The following ARB2A variants were observed in gnomAD, a reference collection of about 807,000 sequenced individuals.
The protein encoded by ARB2A is ARB2 cotranscriptional regulator A, also known as cotranscriptional regulator ARB2A.
the ARB2A span, among the ~76,000 whole-genome samples, chr5:93,996,071 A>AT: frequency 1.7e-3 from 249 of 148,850 alleles, 1 homozygote; most frequent in South Asian, 1.1e-3. Context: ...CTATAGGAAC[A>AT]TTTTTTTTTT....
chr5:93,693,420 A>G, the ARB2A span, among the ~76,000 whole-genome samples: 4 of 152,294 alleles, frequency 2.6e-5, no homozygotes, highest in Admixed American at 6.5e-5. Flanking sequence ...AGAATACTAT[A>G]AACACCTCTA....
the ARB2A span, among the ~76,000 whole-genome samples, chr5:93,691,303 C>G: frequency 1.3e-5 from 2 of 151,774 alleles, no homozygotes; most frequent in African/African-American, 4.8e-5. Flanking sequence ...GAATTGCTAA[C>G]TAGAATAAAC....
At chr5:93,779,124 T>TGTGCGCGC in the ARB2A span, among the ~76,000 whole-genome samples, 1 of 146,298 alleles carries the variant, frequency 6.8e-6, no homozygotes, top group African/African-American at 2.6e-5. Flanking sequence ...TGTGTGTGTG[T>TGTGCGCGC]GCGCGCGCGC....
At chr5:93,920,396 A>G in the ARB2A span, among the ~76,000 whole-genome samples, 1 of 152,168 alleles carries the variant, frequency 6.6e-6, no homozygotes. Flanking sequence ...TAAACATACC[A>G]TTGACCCTTG....
chr5:93,784,282 G>T, the ARB2A span: 1 of 729,968 alleles, frequency 1.4e-6, no homozygotes, highest in Non-Finnish European at 2.4e-6. Context: ...TCTGCCTCTA[G>T]AAAGGGAGTT....
chr5:93,752,584 T>G, the ARB2A span, among the ~76,000 whole-genome samples: 6 of 152,128 alleles, frequency 3.9e-5, no homozygotes, highest in Admixed American at 3.3e-4. Context: ...GTGAGATTTT[T>G]GGAGTGAGAC....
the ARB2A span, among the ~76,000 whole-genome samples, chr5:93,696,958 A>G: frequency 6.7e-6 from 1 of 148,352 alleles, no homozygotes; most frequent in African/African-American, 2.5e-5. Flanking sequence ...GCTACTCGGG[A>G]GGCTGAGGCA....
the ARB2A span, among the ~76,000 whole-genome samples, chr5:94,089,737 C>T: frequency 6.6e-6 from 1 of 151,196 alleles, no homozygotes; most frequent in Admixed American, 6.6e-5. Flanking sequence ...CAAGTTTAAA[C>T]GAAGATTCCA....
At chr5:93,727,336 T>G in the ARB2A span, among the ~76,000 whole-genome samples, 1 of 151,964 alleles carries the variant, frequency 6.6e-6, no homozygotes, top group African/African-American at 2.4e-5. Flanking sequence ...GGAAAAGCAT[T>G]TACTAACCCT....
chr5:93,690,814 A>T, the ARB2A span, among the ~76,000 whole-genome samples: 1 of 152,056 alleles, frequency 6.6e-6, no homozygotes, highest in Non-Finnish European at 1.5e-5. Context: ...TCCGGCTGGC[A>T]TATGGTGGGA....
chr5:94,071,334 G>A, the ARB2A span, among the ~76,000 whole-genome samples: 1 of 151,952 alleles, frequency 6.6e-6, no homozygotes, highest in East Asian at 1.9e-4. Context: ...ACTAGGACTA[G>A]GGAAAGAGTT....
the ARB2A span, among the ~76,000 whole-genome samples, chr5:94,100,343 C>A: frequency 6.6e-6 from 1 of 152,126 alleles, no homozygotes; most frequent in African/African-American, 2.4e-5. Context: ...GAATCAACAT[C>A]ATTAAAATGG....
the ARB2A span, among the ~76,000 whole-genome samples, chr5:93,889,547 T>C: frequency 6.6e-6 from 1 of 151,886 alleles, no homozygotes; most frequent in Admixed American, 6.6e-5. Flanking sequence ...ATGCAAAACA[T>C]GATGTCACTG....
the ARB2A span, among the ~76,000 whole-genome samples, chr5:93,880,294 G>A: frequency 6.6e-6 from 1 of 151,546 alleles, no homozygotes; most frequent in African/African-American, 2.4e-5. Flanking sequence ...TTACTCAATA[G>A]ACTGACCTAT....
chr5:94,069,039 A>AAGATAGATAGATAGATAGAT, the ARB2A span, among the ~76,000 whole-genome samples: 266 of 140,392 alleles, frequency 1.9e-3, 2 homozygotes, highest in Middle Eastern at 3.6e-3. Context: ...CTGTCTTAAA[A>AAGATAGATAGATAGATAGAT]AGATAGATAG....
At chr5:93,828,106 AG>A in the ARB2A span, among the ~76,000 whole-genome samples, 1 of 152,082 alleles carries the variant, frequency 6.6e-6, no homozygotes. Flanking sequence ...ACTTTAAAGT[AG>A]TTTTTTTCCA....
chr5:93,866,906 G>T, the ARB2A span, among the ~76,000 whole-genome samples: 1 of 151,968 alleles, frequency 6.6e-6, no homozygotes. Context: ...TATTAAAAAT[G>T]TTCTTTCTTC....
the ARB2A span, among the ~76,000 whole-genome samples, chr5:93,665,579 A>G: frequency 6.6e-6 from 1 of 152,224 alleles, no homozygotes; most frequent in African/African-American, 2.4e-5. Flanking sequence ...AGAAAACCCA[A>G]ACCAATTTTT....
chr5:94,053,128 T>G, the ARB2A span: 1 of 1,543,660 alleles, frequency 6.5e-7, no homozygotes, highest in African/African-American at 1.4e-5. Flanking sequence ...CCACTTACTT[T>G]CATTAAAAGC....
Sources: gnomAD v4.1 joint callset for allele counts (sites outside exome capture counted in the v4.1 genomes callset) on GRCh38, gnomAD v4.1.1 for gene constraint, MANE v1.5 for transcripts, NCBI Gene and HGNC (gene_info 2026-07-23, HGNC 2026-07-21) for gene names.